The following DGKI variants were observed in gnomAD, a reference collection of about 807,000 sequenced individuals.
DGKI encodes the protein diacylglycerol kinase iota, also known as DAG kinase iota.
DGKI carries 55 observed loss-of-function variants against 147.5 expected under a neutral mutation model. The observed-to-expected ratio is 0.37, with a 90% CI of 0.30 to 0.47. DGKI has a LOEUF of 0.47. Among genes scored for constraint, DGKI ranks in the 20% least tolerant of loss-of-function variants. The pLI is 1.00. For missense variants in DGKI, 1,007 were observed against 1,323.8 expected, an observed-to-expected ratio of 0.76 and a Z score of 3.71; for synonymous variants, 469 against 477.1, an observed-to-expected ratio of 0.98 and a Z score of 0.22.
At chr7:137,472,120 AAT>A (rs201623954) in intron 23 of DGKI, among the ~76,000 whole-genome samples, 13 of 123,222 alleles carry the variant, frequency 1.1e-4, no homozygotes, top group Admixed American at 6.5e-4. Flanking sequence ...TATACATATA[AAT>A]ATATATACAC....
intron 1 of DGKI, among the ~76,000 whole-genome samples, chr7:137,796,931 A>G (rs1797052538): frequency 6.6e-6 from 1 of 152,228 alleles, no homozygotes. Flanking sequence ...CCTAAATAAT[A>G]AAAAGTATTA....
chr7:137,674,433 G>T (rs1381304114), intron 3 of DGKI, among the ~76,000 whole-genome samples: 2 of 152,106 alleles, frequency 1.3e-5, no homozygotes, highest in Non-Finnish European at 2.9e-5. Flanking sequence ...TTACATAGAT[G>T]CCCTAATGTC....
chr7:137,630,600 A>G (rs1052283621), intron 6 of DGKI, among the ~76,000 whole-genome samples: 4 of 152,224 alleles, frequency 2.6e-5, no homozygotes, highest in Non-Finnish European at 5.9e-5. Flanking sequence ...CAGACAACTT[A>G]ACCCAAGACC....
At chr7:137,608,268 T>C (rs1437132616) in intron 10 of DGKI, among the ~76,000 whole-genome samples, 2 of 152,116 alleles carry the variant, frequency 1.3e-5, no homozygotes, top group East Asian at 1.9e-4. Flanking sequence ...TTAAAGCCCA[T>C]AGAAGAGTAT....
rs571432675 is a variant in DGKI at position 137,733,147 on chromosome 7, C to T, written c.402-43145G>A. Among the ~76,000 whole-genome samples, 43 of 151,978 alleles carry T rather than the reference C, an allele frequency of 2.8e-4. 1 individual carries two copies. In the Middle Eastern group the frequency reaches 0.031, roughly 108 times the overall value. ...TTGCTCTGTTCTGTGGCATTAACTACATTCACATTGTTGTGGAACCATCTA... is the reference window on the plus strand; with the variant it reads ...TTGCTCTGTTCTGTGGCATTAACTATATTCACATTGTTGTGGAACCATCTA... On this transcript the variant is annotated intron_variant, in intron 1 of 32. Transcript: ENST00000614521.
At chr7:137,427,853 A>G (rs1473191770) in intron 28 of DGKI, among the ~76,000 whole-genome samples, 1 of 152,182 alleles carries the variant, frequency 6.6e-6, no homozygotes, top group Non-Finnish European at 1.5e-5. Flanking sequence ...TAAACCAGGA[A>G]GAAGTTGAAT....
intron 21 of DGKI, among the ~76,000 whole-genome samples, chr7:137,503,196 A>C (rs373629621): frequency 1.3e-5 from 2 of 152,124 alleles, no homozygotes; most frequent in African/African-American, 2.4e-5. Flanking sequence ...CCTTGTCTGT[A>C]ATTTAGGGGT....
intron 2 of DGKI, among the ~76,000 whole-genome samples, chr7:137,687,998 T>A (rs1823478975): frequency 6.6e-6 from 1 of 152,170 alleles, no homozygotes. Context: ...AAAATACCAT[T>A]TTGATGAAAT....
At chr7:137,536,504 T>A (rs1817525446) in intron 20 of DGKI, among the ~76,000 whole-genome samples, 8 of 152,132 alleles carry the variant, frequency 5.3e-5, no homozygotes, top group Admixed American at 5.2e-4. Flanking sequence ...CGCTGTCTTG[T>A]CCCATAGCAA....
chr7:137,405,972 C>A (rs2128897886), intron 30 of DGKI, among the ~76,000 whole-genome samples: 1 of 152,128 alleles, frequency 6.6e-6, no homozygotes, highest in African/African-American at 2.4e-5. Context: ...ACTGCTTCTC[C>A]AGGAAAGGTG....
At chr7:137,637,916 G>A (rs1821370612) in intron 6 of DGKI, among the ~76,000 whole-genome samples, 1 of 151,930 alleles carries the variant, frequency 6.6e-6, no homozygotes. Context: ...CATCCCTAGG[G>A]TTTTACACCT....
intron 11 of DGKI, among the ~76,000 whole-genome samples, chr7:137,599,098 AT>A (rs1819896227): frequency 6.6e-6 from 1 of 152,196 alleles, no homozygotes; most frequent in Non-Finnish European, 1.5e-5. Flanking sequence ...GTGTTCTAAC[AT>A]TTATCAGATA....
intron 1 of DGKI, among the ~76,000 whole-genome samples, chr7:137,737,738 A>G (rs1207739063): frequency 6.6e-6 from 1 of 152,112 alleles, no homozygotes; most frequent in African/African-American, 2.4e-5. Flanking sequence ...ATATATTACT[A>G]TCTTCATATA....
intron 21 of DGKI, among the ~76,000 whole-genome samples, chr7:137,519,329 G>T (rs1394879179): frequency 1.3e-5 from 2 of 152,052 alleles, no homozygotes; most frequent in Non-Finnish European, 2.9e-5. Context: ...ATGCGAGCTT[G>T]TTATCTAACG....
chr7:137,790,231 AACACACACACACACACACACACACAC>A (rs137932599), intron 1 of DGKI, among the ~76,000 whole-genome samples: 1 of 143,712 alleles, frequency 7.0e-6, no homozygotes, highest in Non-Finnish European at 1.5e-5. Flanking sequence ...GTGTATTACC[AACACACACACACACACACACACACAC>A]ACACACACAC....
chr7:137,709,946 T>C (rs1380034572), intron 1 of DGKI, among the ~76,000 whole-genome samples: 1 of 151,886 alleles, frequency 6.6e-6, no homozygotes, highest in Non-Finnish European at 1.5e-5. Flanking sequence ...AAATGGGTTA[T>C]AATAGCAGAC....
intron 3 of DGKI, among the ~76,000 whole-genome samples, chr7:137,662,285 C>T (rs1005506788): frequency 2.3e-4 from 34 of 149,930 alleles, no homozygotes; most frequent in African/African-American, 8.2e-4. Flanking sequence ...CTTTGTTGCC[C>T]GGGGTTGGAG....
rs1417835947 is a variant in DGKI, at chr7:137,583,950, A to G, written c.1563+1259T>C. 2.0e-5 allele frequency among the ~76,000 whole-genome samples: 3 copies of G among 152,188 alleles called. No homozygotes were observed. The East Asian group carries it at 5.8e-4, about 29-fold the overall frequency. Reference sequence around the variant, plus strand: ...GGATCATGGTTTAGGTGAAAAAACCATAAAGACAGAGTAAAACATGTTTTA... The same window carrying G: ...GGATCATGGTTTAGGTGAAAAAACCGTAAAGACAGAGTAAAACATGTTTTA... On this transcript the variant is annotated intron_variant, in intron 14 of 32. Transcript: ENST00000614521.
intron 5 of DGKI, among the ~76,000 whole-genome samples, chr7:137,652,198 T>C (rs1367055742): frequency 6.6e-6 from 1 of 151,730 alleles, no homozygotes; most frequent in Non-Finnish European, 1.5e-5. Flanking sequence ...GGGATGAAAA[T>C]ATATAAAAGA....
Sources: allele counts gnomAD v4.1 joint callset (sites outside exome capture counted in the v4.1 genomes callset), GRCh38; gene constraint gnomAD v4.1.1; transcripts MANE v1.5; gene names NCBI Gene and HGNC (gene_info 2026-07-23, HGNC 2026-07-21).